The following LAT2 variants were observed in gnomAD, a reference collection of about 807,000 sequenced individuals.
LAT2 encodes linker for activation of T-cells family member 2.
Under a neutral mutation model 43.4 loss-of-function variants are expected in LAT2, and 23 were observed. The observed-to-expected ratio is 0.53, with a 90% confidence interval of 0.38 to 0.75. The LOEUF (loss-of-function observed/expected upper bound fraction) is 0.75, where lower values mean the gene tolerates loss of function less well. Ranked by LOEUF, LAT2 falls within the 30% of genes least tolerant of loss-of-function variation. The pLI is 0.00. For synonymous variants in LAT2, 128 were observed against 123.2 expected, an observed-to-expected ratio of 1.04 and a Z score of -0.26; for missense variants, 284 against 310.2, an observed-to-expected ratio of 0.92 and a Z score of 0.64.
intron 1 of LAT2, among the ~76,000 whole-genome samples, chr7:74,214,239 A>T (rs1584208053): frequency 1.2e-5 from 1 of 84,056 alleles, no homozygotes; most frequent in Admixed American, 1.9e-4. Flanking sequence ...AATATATATG[A>T]AAATATATAT....
chr7:74,216,193 CT>C, intron 3 of LAT2, 124 bp downstream of exon 3: 1 of 760,224 alleles, frequency 1.3e-6, no homozygotes, highest in Non-Finnish European at 2.1e-6. Context: ...GATGTGACCC[CT>C]GACCCCTAAA....
At chr7:74,227,317 G>A (rs374255257) in intron 13 of LAT2, among the ~76,000 whole-genome samples, 10 of 151,824 alleles carry the variant, frequency 6.6e-5, no homozygotes, top group African/African-American at 2.2e-4. Flanking sequence ...TGCCTCCTGG[G>A]TTCAGGTTTC....
chr7:74,224,875 G>A (rs1802429846), intron 13 of LAT2, 115 bp downstream of exon 13: 4 of 740,790 alleles, frequency 5.4e-6, no homozygotes, highest in South Asian at 1.9e-5. Context: ...CATGGTGGGG[G>A]CTACAGGGTG....
chr7:74,224,111 C>G lies in LAT2; in HGVS notation c.542C>G (p.Ser181Cys), dbSNP rs782431267. The change falls in exon 12 of 14, where the codon TCT (serine) becomes TGT (cysteine). Residue 181 changes from serine (S) to cysteine (C), a missense_variant. Transcript: ENST00000460943. Reference protein sequence around the residue: ...KTGPTSGLCPSASPEEDEESE... With the variant: ...KTGPTSGLCPCASPEEDEESE... ...GGCCCCACTTCTGGTCTCTGTCCCT[C>G]TGCCTCCCCGGAAGAAGATGAGGAA... is the stretch of plus-strand genomic sequence containing the variant. 6.2e-7 allele frequency: 1 copy of G among 1,614,204 alleles called. No individual in the cohort carries two copies. The highest frequency in any genetic ancestry group is 1.1e-5 in the South Asian group (1 of 91,086).
chr7:74,219,688 T>C, intron 4 of LAT2, 56 bp from the exon 5 acceptor site: 2 of 1,604,064 alleles, frequency 1.2e-6, no homozygotes, highest in Non-Finnish European at 1.7e-6. Flanking sequence ...CCTGTCCCTG[T>C]GTTCTTGGGC....
intron 9 of LAT2, among the ~76,000 whole-genome samples, chr7:74,221,410 CAAAAAAAAAAAAAAAA>C (rs782694803): frequency 4.7e-5 from 1 of 21,074 alleles, no homozygotes; most frequent in Admixed American, 5.3e-4. Flanking sequence ...GACTCTGTCT[CAAAAAAAAAAAAAAAA>C]AAAAAAAAAA....
chr7:74,210,933 G>A (rs1801711730), intron 1 of LAT2, among the ~76,000 whole-genome samples: 1 of 152,148 alleles, frequency 6.6e-6, no homozygotes, highest in Admixed American at 6.6e-5. Context: ...GCTCAGCTCG[G>A]AGAAGGCTGG....
intron 1 of LAT2, among the ~76,000 whole-genome samples, chr7:74,214,215 AATATATATATGAAAATATATATGAAAAT>A (rs1801871732): frequency 1.2e-5 from 1 of 84,952 alleles, no homozygotes; most frequent in African/African-American, 5.3e-5. Flanking sequence ...TATATATGAA[AATATATATATGAAAATATATATGAAAAT>A]ATATATATAA....
Position 74,216,013 on chromosome 7 carries a change from C to T in LAT2, c.38C>T (p.Ala13Val), listed in dbSNP as rs543294747. The change falls in exon 3 of 14, where the codon GCG (alanine) becomes GTG (valine). Residue 13 changes from alanine to valine, a missense_variant. By Grantham distance (64) the Ala-to-Val change is moderately conservative (BLOSUM62 0). Coordinates refer to ENST00000460943, the MANE Select transcript of LAT2 (RefSeq NM_032464.3). The stretch of plus-strand genomic sequence containing the variant: ...ACTGAACTGCTGTGGCCCGGAGCAG[C>T]GCTGCTGGTGCTGTTGGGGGTGGCA... ...SGTELLWPGAALLVLLGVAAS... is the reference protein window; with the variant it reads ...SGTELLWPGAVLLVLLGVAAS... 13 of 1,613,856 alleles carry T rather than the reference C, an allele frequency of 8.1e-6. No homozygotes were observed. The highest frequency in any genetic ancestry group is 5.5e-5 in the South Asian group (5 of 91,074).
intron 4 of LAT2, among the ~76,000 whole-genome samples, chr7:74,219,137 C>A (rs1467407738): frequency 7.1e-6 from 1 of 139,888 alleles, no homozygotes; most frequent in Non-Finnish European, 1.5e-5. Flanking sequence ...CCCGGGTTCA[C>A]GCCATTCTCC....
chr7:74,214,307 AATATATATATGAAAATATATATATAAAT>A (rs1554713741), intron 1 of LAT2, among the ~76,000 whole-genome samples: 88 of 66,240 alleles, frequency 1.3e-3, no homozygotes, highest in Non-Finnish European at 1.6e-3. Context: ...TATATATATA[AATATATATATGAAAATATATATATAAAT>A]ATATATATAT....
In LAT2 at chr7:74,215,660, G is replaced by T. The variant is rs539336287; in HGVS notation, c.-29-287G>T. On this transcript the variant is annotated intron_variant, in intron 2 of 13. Transcript: ENST00000460943. The stretch of plus-strand genomic sequence containing the variant: ...CTCAAAGGGCAGTTGTCTAGATTAA[G>T]CGAGGCTGTGTGTAGGGCTGTGTGC... 6.8e-4 allele frequency among the ~76,000 whole-genome samples: 104 copies of T among 152,328 alleles called. 1 individual carries two copies. The highest frequency in any genetic ancestry group is 1.3e-3 in the Admixed American group (20 of 15,298).
At chr7:74,219,930 A>T (rs1554714844) in intron 5 of LAT2, 30 bp from the exon 6 acceptor site, 2 of 1,613,076 alleles carry the variant, frequency 1.2e-6, no homozygotes, top group Non-Finnish European at 1.7e-6. Flanking sequence ...CTGGGGGCCC[A>T]GCCAACACCC....
Position 74,224,694 on chromosome 7 carries a change from C to G in LAT2, c.684C>G (p.Asp228Glu). ...CGGTGGGAAGCCCAGACGAGGAGGA[C>G]GGGGAACCGGATTACGTGAATGGGG... ...PGPVGSPDEE[D>E]GEPDYVNGEV... Residue 228 changes from aspartate to glutamate, a missense_variant, in exon 13 of 14, where the codon GAC becomes GAG. Coordinates refer to ENST00000460943, the MANE Select transcript of LAT2 (RefSeq NM_032464.3). 6.2e-7 allele frequency: 1 copy of G among 1,607,996 alleles called. No homozygotes were observed. The highest frequency in any genetic ancestry group is 8.5e-7 in the Non-Finnish European group (1 of 1,177,466).
Position 74,229,242 on chromosome 7 carries a change from C to T in LAT2, c.*317C>T, listed in dbSNP as rs1802603601. ...GCGCAGGATTTAGGATAAGCTGTCA[C>T]CCAGTCCCCATAACAAAACCACTGT... On this transcript the variant is annotated 3_prime_UTR_variant, in exon 14 of 14. Transcript: ENST00000460943. 6.6e-6 allele frequency: 1 copy of T among 152,350 alleles called. No individual in the cohort carries two copies. The highest frequency in any genetic ancestry group is 2.4e-5 in the African/African-American group (1 of 41,444). The allele number at this position is 152,350 out of a possible 1,614,324, so 9.4% of individuals were successfully genotyped here. A position where few individuals can be genotyped will look rare whatever the true frequency, so the allele number is the denominator to read the frequency against.
chr7:74,214,461 T>A (rs868950052), intron 1 of LAT2, among the ~76,000 whole-genome samples: 41 of 49,566 alleles, frequency 8.3e-4, no homozygotes, highest in South Asian at 1.7e-3. Context: ...TATATGAAAA[T>A]ATATATATAA....
In LAT2 at chr7:74,220,540, G is replaced by C. The variant is rs782787845; in HGVS notation, c.266-44G>C. On this transcript the variant is annotated intron_variant, in intron 7 of 13. Transcript: ENST00000460943. The surrounding 1 kb of genome is among the most constrained non-coding windows in gnomAD (Gnocchi z 4.5). ...CTGCAGCACCCGAGCTGGGTGCAAA[G>C]CAGGGGCCAGGGGAGAAAGCAATTA... The C allele has an allele frequency of 6.2e-7, 1 of 1,612,966 alleles. No individual in the cohort carries two copies. Among genetic ancestry groups the C allele is most frequent in the East Asian group, 2.2e-5 (1 of 44,882 alleles).
chr7:74,216,886 A>C, intron 4 of LAT2, 22 bp downstream of exon 4: 1 of 1,609,690 alleles, frequency 6.2e-7, no homozygotes, highest in Non-Finnish European at 8.5e-7. Context: ...CGATGTCCCT[A>C]GCCTGGTGTA....
At chr7:74,216,801 G>A (rs2116127966) in intron 3 of LAT2, 24 bp from the exon 4 acceptor site, 1 of 1,612,922 alleles carries the variant, frequency 6.2e-7, no homozygotes, top group East Asian at 2.2e-5. Flanking sequence ...CAGACCCTTT[G>A]CTAATCCTGG....
Sources: allele counts gnomAD v4.1 joint callset (sites outside exome capture counted in the v4.1 genomes callset), GRCh38; gene constraint gnomAD v4.1.1; non-coding constraint Gnocchi (gnomAD v3.1); transcripts MANE v1.5; gene names NCBI Gene and HGNC (gene_info 2026-07-23, HGNC 2026-07-21).